The following DLG2 variants were observed in gnomAD, a reference collection of about 807,000 sequenced individuals.
DLG2 encodes the protein discs large MAGUK scaffold protein 2.
Under a neutral mutation model 132.5 loss-of-function variants are expected in DLG2, and 45 were observed. That is an observed-to-expected ratio of 0.34 (90% confidence interval 0.27 to 0.44). DLG2 has a LOEUF of 0.44. DLG2 is among the 20% of genes least tolerant of loss of function. The pLI is 1.00. For missense variants in DLG2, 1,045 were observed against 1,196.9 expected (o/e 0.87, Z 1.87); for synonymous variants, 424 against 419.6 (o/e 1.01, Z -0.13).
rs866024843 is a variant in DLG2 at position 84,027,207 on chromosome 11, A to G, written c.919+32108T>C. 9.2e-5 allele frequency among the ~76,000 whole-genome samples: 14 copies of G among 152,122 alleles called. No homozygotes were observed. The South Asian group carries it at 2.9e-3, about 32-fold the overall frequency. On this transcript the variant is annotated intron_variant, in intron 11 of 27. Transcript: ENST00000376104. The stretch of plus-strand genomic sequence containing the variant: ...CTTCAGGTCTCTCACTTCTGCTTCA[A>G]TTAAAGTAACTTTGCTTTAAATGGA...
intron 6 of DLG2, among the ~76,000 whole-genome samples, chr11:84,945,260 C>T (rs573176529): frequency 6.6e-6 from 1 of 152,310 alleles, no homozygotes; most frequent in Non-Finnish European, 1.5e-5. Context: ...CGTATCTGCA[C>T]TAGGCGACAC....
chr11:84,392,028 G>A (rs186889282), intron 7 of DLG2, among the ~76,000 whole-genome samples: 1 of 152,038 alleles, frequency 6.6e-6, no homozygotes, highest in African/African-American at 2.4e-5. Flanking sequence ...ATAGGGATTT[G>A]GTATCTACCT....
At chr11:85,015,403 AGT>A (rs1305858123) in intron 6 of DLG2, among the ~76,000 whole-genome samples, 1 of 113,432 alleles carries the variant, frequency 8.8e-6, no homozygotes, top group African/African-American at 3.7e-5. Context: ...GAGATTAGCC[AGT>A]GTTATTTAAA....
At chr11:84,490,715 T>A (rs2099162733) in intron 7 of DLG2, among the ~76,000 whole-genome samples, 1 of 145,658 alleles carries the variant, frequency 6.9e-6, no homozygotes, top group Admixed American at 6.9e-5. Context: ...GTAAAAGCAA[T>A]GAGAATTGCC....
At chr11:83,933,855 C>T (rs73508268) in intron 14 of DLG2, among the ~76,000 whole-genome samples, 2,033 of 152,174 alleles carry the variant, frequency 0.013, 41 homozygotes, top group African/African-American at 0.047. Flanking sequence ...AGGCCTAGGC[C>T]ATTTGGATTC....
chr11:84,532,117 A>ATTTTTTTTT (rs67139617), intron 7 of DLG2, among the ~76,000 whole-genome samples: 22 of 104,568 alleles, frequency 2.1e-4, no homozygotes, highest in Non-Finnish European at 2.7e-4. Context: ...TGTTCTGTTC[A>ATTTTTTTTT]TTTTTTTTTT....
chr11:85,118,868 T>C (rs17148011), intron 5 of DLG2, among the ~76,000 whole-genome samples: 5,943 of 151,980 alleles, frequency 0.039, 360 homozygotes, highest in African/African-American at 0.14. Flanking sequence ...TAAGGAATTA[T>C]TGTAAGGATT....
intron 6 of DLG2, among the ~76,000 whole-genome samples, chr11:84,862,221 G>C (rs1163613548): frequency 6.6e-6 from 1 of 152,002 alleles, no homozygotes; most frequent in Non-Finnish European, 1.5e-5. Flanking sequence ...AAAAAGAAAA[G>C]CTCATTATCA....
At chr11:84,121,443 G>C (rs2093906627) in intron 9 of DLG2, among the ~76,000 whole-genome samples, 1 of 151,226 alleles carries the variant, frequency 6.6e-6, no homozygotes, top group Admixed American at 6.6e-5. Flanking sequence ...CAGTATTATG[G>C]AAAATATTTT....
intron 7 of DLG2, among the ~76,000 whole-genome samples, chr11:84,322,596 A>ATTT (rs59443223): frequency 0.072 from 10,691 of 149,020 alleles, 474 homozygotes; most frequent in Non-Finnish European, 0.097. Flanking sequence ...TTTCACAAGA[A>ATTT]TTTTTTTTTT....
intron 15 of DLG2, among the ~76,000 whole-genome samples, chr11:83,880,207 G>A (rs745820031): frequency 6.6e-6 from 1 of 152,076 alleles, no homozygotes; most frequent in Non-Finnish European, 1.5e-5. Context: ...TAAGTGGGGG[G>A]AATAAAGGGG....
In DLG2 at chr11:84,934,548, G is replaced by T. The variant is rs1361586426; in HGVS notation, c.357+177113C>A. ...TTGTTTTTTTTTTTTTTTTTTTTTG[G>T]TGGGTAGGCTATTTATTACTGTCTC... On this transcript the variant is annotated intron_variant, in intron 6 of 27. Transcript: ENST00000376104. 2.6e-3 allele frequency among the ~76,000 whole-genome samples: 216 copies of T among 83,442 alleles called. 1 individual carries two copies. Among genetic ancestry groups the T allele is most frequent in the Non-Finnish European group, 3.6e-3 (148 of 41,268 alleles). 54.7% of individuals were successfully genotyped at this position (83,442 alleles called of 152,430 possible).
chr11:85,356,628 C>T (rs2083711665), intron 3 of DLG2, among the ~76,000 whole-genome samples: 1 of 152,124 alleles, frequency 6.6e-6, no homozygotes, highest in African/African-American at 2.4e-5. Flanking sequence ...ATGTACTAGT[C>T]CATTGATCAG....
chr11:85,013,959 G>A (rs2059363018), intron 6 of DLG2, among the ~76,000 whole-genome samples: 1 of 152,058 alleles, frequency 6.6e-6, no homozygotes, highest in Non-Finnish European at 1.5e-5. Flanking sequence ...TACATAGTAA[G>A]TTTCTTTATT....
intron 7 of DLG2, among the ~76,000 whole-genome samples, chr11:84,330,734 T>C (rs1567311335): frequency 6.6e-6 from 1 of 152,196 alleles, no homozygotes; most frequent in Non-Finnish European, 1.5e-5. Flanking sequence ...GTAAGTGATA[T>C]TGTTGAAACC....
chr11:84,783,361 C>T (rs1052193729), intron 6 of DLG2, among the ~76,000 whole-genome samples: 19 of 152,148 alleles, frequency 1.2e-4, no homozygotes, highest in Admixed American at 5.9e-4. Flanking sequence ...TGTCTGACTC[C>T]ATCACCCTGT....
At chr11:84,164,737 G>A (rs1230170021) in intron 8 of DLG2, among the ~76,000 whole-genome samples, 3 of 152,184 alleles carry the variant, frequency 2.0e-5, no homozygotes, top group South Asian at 2.1e-4. Flanking sequence ...TATAATCAGT[G>A]AACATATAGA....
chr11:84,881,560 T>C (rs767431310), intron 6 of DLG2, among the ~76,000 whole-genome samples: 1 of 152,098 alleles, frequency 6.6e-6, no homozygotes, highest in Non-Finnish European at 1.5e-5. Context: ...GGGCACATGA[T>C]TGTGCACAAT....
chr11:85,132,865 CT>C (rs2075837410), intron 5 of DLG2: 1 of 456,490 alleles, frequency 2.2e-6, no homozygotes, highest in Admixed American at 2.4e-5. Context: ...TGAGAAAAGC[CT>C]TTTGGAAATT....
Sources: allele counts gnomAD v4.1 joint callset (sites outside exome capture counted in the v4.1 genomes callset), GRCh38; gene constraint gnomAD v4.1.1; transcripts MANE v1.5; gene names NCBI Gene and HGNC (gene_info 2026-07-23, HGNC 2026-07-21).